SETD4: variants seen among roughly 807,000 people sequenced by gnomAD.
The protein encoded by SETD4 is SET domain-containing protein 4.
A neutral mutation model predicts 58.3 loss-of-function variants in SETD4; 46 were observed. The ratio of observed to expected loss-of-function variants is 0.79; its 90% CI spans 0.62 to 1.01. The LOEUF (loss-of-function observed/expected upper bound fraction) is 1.01. SETD4 is among the 50% of genes least tolerant of loss of function. The probability of loss-of-function intolerance (pLI) is 0.00; values close to 1 mark genes in which losing one functional copy is unlikely to be tolerated. For synonymous variants in SETD4, 190 were observed against 202.6 expected (o/e 0.94, Z 0.53); for missense variants, 490 against 523.3 (o/e 0.94, Z 0.62).
chr21:36,053,404 G>T, intron 4 of SETD4, 179 bp downstream of exon 4: 1 of 657,512 alleles, frequency 1.5e-6, no homozygotes, highest in Non-Finnish European at 2.6e-6. Flanking sequence ...CTCAATTTTG[G>T]GCTTGTCTTT....
chr21:36,036,234 A>T lies in SETD4; in HGVS notation c.1206T>A (p.Asp402Glu). The change falls in exon 11 of 12, where the codon GAT becomes GAA. Residue 402 changes from aspartate (D) to glutamate (E), a missense_variant. Physicochemically the swap from Asp to Glu is conservative, Grantham distance 45. Coordinates refer to ENST00000332131, the MANE Select transcript of SETD4 (RefSeq NM_017438.5). ...GTTGGTTTATCAGGGCCTCTTTTTC[A>T]TCCTTCATATGAGACACCTGAAAGT... ...AVLQKVSHMKDEKEALINQLT... is the reference protein window; with the variant it reads ...AVLQKVSHMKEEKEALINQLT... 2 of 1,608,780 alleles carry T rather than the reference A, an allele frequency of 1.2e-6. No homozygotes were observed. The highest frequency in any genetic ancestry group is 1.7e-6 in the Non-Finnish European group (2 of 1,178,628).
chr21:36,047,502 G>A (rs1304226615), intron 5 of SETD4, among the ~76,000 whole-genome samples: 1 of 152,156 alleles, frequency 6.6e-6, no homozygotes, highest in Non-Finnish European at 1.5e-5. Flanking sequence ...AGAAATAAGA[G>A]AGAGTAACTT....
At chr21:36,052,255 A>G (rs1477291897) in intron 4 of SETD4, among the ~76,000 whole-genome samples, 2 of 152,090 alleles carry the variant, frequency 1.3e-5, no homozygotes, top group Non-Finnish European at 2.9e-5. Context: ...AAAAAGTAAA[A>G]TTACTTTTGG....
In SETD4 at chr21:36,035,821, G is replaced by A; in HGVS notation, c.*172C>T. On this transcript the variant is annotated 3_prime_UTR_variant, in exon 12 of 12. Coordinates refer to ENST00000332131, the MANE Select transcript of SETD4 (RefSeq NM_017438.5). ...CTTTATTCGGAAGAGCATTAGACCT[G>A]CCATCCAGACAGCTTGTCCACCTTC... is the stretch of plus-strand genomic sequence containing the variant. 4.9e-6 allele frequency: 2 copies of A among 412,298 alleles called. No individual in the cohort carries two copies. Among genetic ancestry groups the A allele is most frequent in the East Asian group, 5.6e-5 (1 of 17,784 alleles). 25.5% of individuals were successfully genotyped at this position (412,298 alleles called of 1,614,324 possible).
At chr21:36,058,575 G>A (rs892377787) in intron 2 of SETD4, among the ~76,000 whole-genome samples, 14 of 151,878 alleles carry the variant, frequency 9.2e-5, no homozygotes, top group Admixed American at 1.3e-4. Context: ...GTGTTAGGCC[G>A]AGCATGCTGG....
intron 2 of SETD4, among the ~76,000 whole-genome samples, chr21:36,058,107 C>T (rs750051237): frequency 8.5e-5 from 13 of 152,216 alleles, no homozygotes; most frequent in Non-Finnish European, 1.9e-4. Context: ...GAGTCATCCC[C>T]AGAGAAGACA....
At chr21:36,057,053 C>A in intron 3 of SETD4, 56 bp downstream of exon 3, 1 of 1,394,538 alleles carries the variant, frequency 7.2e-7, no homozygotes, top group East Asian at 2.3e-5. Flanking sequence ...GTGGCCCCTG[C>A]TGTCTACCTG....
chr21:36,054,174 G>A (rs1601280064), intron 3 of SETD4, among the ~76,000 whole-genome samples: 1 of 152,364 alleles, frequency 6.6e-6, no homozygotes, highest in South Asian at 2.1e-4. Flanking sequence ...AGCTGGGTAG[G>A]TCAGCTCCAG....
intron 9 of SETD4, among the ~76,000 whole-genome samples, chr21:36,038,492 C>T (rs531889279): frequency 6.6e-6 from 1 of 152,190 alleles, no homozygotes; most frequent in African/African-American, 2.4e-5. Context: ...AATAAAAGCA[C>T]GGGGGGTGGG....
At chr21:36,059,932 C>T in intron 1 of SETD4, 1 of 985,410 alleles carries the variant, frequency 1.0e-6, no homozygotes, top group Non-Finnish European at 1.2e-6. Context: ...GACTCCCGGG[C>T]CCTCGCGCGA....
intron 3 of SETD4, among the ~76,000 whole-genome samples, chr21:36,056,296 A>G (rs1243743131): frequency 6.6e-6 from 1 of 152,212 alleles, no homozygotes; most frequent in African/African-American, 2.4e-5. Flanking sequence ...TCTAATGGCC[A>G]AGGGGAGCAT....
In SETD4 at chr21:36,045,886, AC is replaced by A; in HGVS notation, c.421del (p.Val141PhefsTer8). The stretch of plus-strand genomic sequence containing the variant: ...GTTCACCACTTCCGGCTCCAAACAA[AC>A]AGGGCAGGTATACGCCTTGGGTAAA... ...EILPKAYTCPVCLEPEVVNLL... is the reference protein window; with the variant it reads ...EILPKAYTCPXCLEPEVVNLL... On this transcript the variant is annotated frameshift_variant, in exon 6 of 12. Coordinates refer to ENST00000332131, the MANE Select transcript of SETD4 (RefSeq NM_017438.5). LOFTEE classifies it high-confidence loss of function. 6.2e-7 allele frequency: 1 copy of A among 1,614,238 alleles called. No homozygotes were observed. The highest frequency in any genetic ancestry group is 1.3e-5 in the African/African-American group (1 of 75,072).
At position 36,058,827 on chromosome 21, in the gene SETD4, T is replaced by G. The variant is rs1354441607; in HGVS notation, c.62A>C (p.Glu21Ala). 6.2e-7 allele frequency: 1 copy of G among 1,601,128 alleles called. No individual in the cohort carries two copies. Among genetic ancestry groups the G allele is most frequent in the Non-Finnish European group, 8.5e-7 (1 of 1,175,760 alleles). The change falls in exon 2 of 12, where the codon GAA becomes GCA. Residue 21 changes from glutamate to alanine, a missense_variant. By Grantham distance (107) the Glu-to-Ala change is moderately radical. Transcript: ENST00000332131. ...IRRRKLCGSS[E>A]SRGVNESHKS... is the part of the protein sequence containing the mutation. ...AAGAAAAACCATACCTCCTCTTGAT[T>G]CAGAACTTCCGCAGAGTTTTCGTCT...
At position 36,036,179 on chromosome 21, in the gene SETD4, C is replaced by A. The variant is rs1245640312; in HGVS notation, c.1261G>T (p.Glu421Ter). ...GCAGATGCCCTGAGAATCTTTAGCT[C>A]TTCCGTCCACAAGGATTCCACCAAA... ...LTLVESLWTE[E>*]LKILRASAET... Residue 421 changes from glutamate to a stop codon, truncating the protein, a stop_gained, in exon 11 of 12, where the codon GAG (glutamate) becomes TAG (stop). Coordinates refer to ENST00000332131, the MANE Select transcript of SETD4 (RefSeq NM_017438.5). LOFTEE classifies it high-confidence loss of function. 2 of 1,614,042 alleles carry A rather than the reference C, an allele frequency of 1.2e-6. No homozygotes were observed. Among genetic ancestry groups the A allele is most frequent in the East Asian group, 4.5e-5 (2 of 44,888 alleles).
chr21:36,052,416 G>A (rs2064752836), intron 4 of SETD4, among the ~76,000 whole-genome samples: 5 of 150,690 alleles, frequency 3.3e-5, no homozygotes, highest in Admixed American at 3.3e-4. Flanking sequence ...AATTAGCTGG[G>A]CATGGTGGCA....
At chr21:36,041,312 C>T (rs955348055) in intron 8 of SETD4, among the ~76,000 whole-genome samples, 1 of 152,260 alleles carries the variant, frequency 6.6e-6, no homozygotes, top group African/African-American at 2.4e-5. Context: ...CACTGCCAGG[C>T]TGCTCTCACA....
rs1601220322 is a variant in SETD4, at chr21:36,043,670, T to C, written c.901+112A>G. The C allele has an allele frequency of 8.0e-6, 12 of 1,493,072 alleles. No homozygotes were observed. The East Asian group carries it at 9.8e-5, about 12-fold the overall frequency. 92.5% of individuals were successfully genotyped at this position (1,493,072 alleles called of 1,614,324 possible). On this transcript the variant is annotated intron_variant, in intron 7 of 11. Transcript: ENST00000332131. ...GGCCTACCTAGAAGAAAATTAGTGATATGTATGTCAGTCTTAAGGTTTTGA... is the reference window on the plus strand; with the variant it reads ...GGCCTACCTAGAAGAAAATTAGTGACATGTATGTCAGTCTTAAGGTTTTGA...
At chr21:36,043,687 A>C (rs2123581039) in intron 7 of SETD4, 95 bp downstream of exon 7, 2 of 1,541,864 alleles carry the variant, frequency 1.3e-6, no homozygotes, top group Non-Finnish European at 1.7e-6. Context: ...GTCAGTCTTA[A>C]GGTTTTGATA....
At chr21:36,042,409 TATA>T (rs1407436218) in intron 7 of SETD4, 1 of 152,238 alleles carries the variant, frequency 6.6e-6, no homozygotes, top group Non-Finnish European at 1.5e-5. Flanking sequence ...ATAACTAAAA[TATA>T]ATTTTTGCTC....
Sources: gnomAD v4.1 joint callset for allele counts (sites outside exome capture counted in the v4.1 genomes callset) on GRCh38, gnomAD v4.1.1 for gene constraint, MANE v1.5 for transcripts, NCBI Gene and HGNC (gene_info 2026-07-23, HGNC 2026-07-21) for gene names.